The following ERC1 variants were observed in gnomAD, a reference collection of about 807,000 sequenced individuals.
ERC1 encodes RAB6 interacting protein 2.
Under a neutral mutation model 132.0 loss-of-function variants are expected in ERC1, and 56 were observed. The observed-to-expected ratio is 0.42, with a 90% CI of 0.34 to 0.53. The LOEUF (loss-of-function observed/expected upper bound fraction) is 0.53, where lower values mean the gene tolerates loss of function less well. Among genes scored for constraint, ERC1 ranks in the 20% least tolerant of loss-of-function variants. The pLI, the probability that ERC1 is intolerant of heterozygous loss-of-function variation, is 0.03. For missense variants in ERC1, 1,202 were observed against 1,349.9 expected, an observed-to-expected ratio of 0.89 and a Z score of 1.72; for synonymous variants, 478 against 476.1, an observed-to-expected ratio of 1.00 and a Z score of -0.05.
intron 14 of ERC1, among the ~76,000 whole-genome samples, chr12:1,277,719 T>C (rs2154334985): frequency 6.6e-6 from 1 of 152,292 alleles, no homozygotes; most frequent in South Asian, 2.1e-4. Context: ...GTAAAGCAGT[T>C]TACTGGTTTC....
At chr12:1,070,495 A>G (rs750538091) in intron 2 of ERC1, among the ~76,000 whole-genome samples, 2 of 151,946 alleles carry the variant, frequency 1.3e-5, no homozygotes, top group Non-Finnish European at 2.9e-5. Flanking sequence ...TGTGTTGCCC[A>G]GGCTGGTCTT....
At chr12:1,466,137 G>A (rs774218836) in intron 18 of ERC1, among the ~76,000 whole-genome samples, 7 of 152,174 alleles carry the variant, frequency 4.6e-5, no homozygotes, top group Non-Finnish European at 1.0e-4. Flanking sequence ...CTTAAGCAAC[G>A]TAAATTGATT....
rs149943974 is a variant in ERC1, at chr12:1,074,590, C to T, written c.670-8574C>T. Among the ~76,000 whole-genome samples, 5 of 152,246 alleles carry T rather than the reference C, an allele frequency of 3.3e-5. No individual in the cohort carries two copies. In the East Asian group the frequency reaches 7.7e-4, roughly 24 times the overall value. ...GGATTACAGGCATGAGCCACTGCAC[C>T]CGACCACATTTTCATTTATTCTTTA... On this transcript the variant is annotated intron_variant, in intron 2 of 18. Coordinates refer to ENST00000360905, the MANE Select transcript of ERC1 (RefSeq NM_178040.4).
chr12:1,151,717 A>G (rs1950853580), intron 8 of ERC1: 1 of 149,234 alleles, frequency 6.7e-6, no homozygotes, highest in East Asian at 1.9e-4. Flanking sequence ...CTGTTGACAA[A>G]TTTCAGTCCT....
intron 14 of ERC1, among the ~76,000 whole-genome samples, chr12:1,271,646 G>A (rs73595938): frequency 0.029 from 4,449 of 152,198 alleles, 226 homozygotes; most frequent in African/African-American, 0.1. Context: ...CTATGGCCTC[G>A]AACTCCTGGG....
chr12:1,442,651 T>A (rs1015642328), intron 17 of ERC1, among the ~76,000 whole-genome samples: 1 of 152,242 alleles, frequency 6.6e-6, no homozygotes, highest in Non-Finnish European at 1.5e-5. Context: ...CACTAAGCCC[T>A]TGCTCTTTAT....
chr12:1,343,849 A>AT (rs143481650), intron 15 of ERC1, among the ~76,000 whole-genome samples: 41,765 of 148,168 alleles, frequency 0.28, 6,047 homozygotes, highest in Middle Eastern at 0.35. Context: ...ATGTAAAAAC[A>AT]TTTTTTTTTT....
intron 13 of ERC1, among the ~76,000 whole-genome samples, chr12:1,249,723 C>T (rs1049448099): frequency 1.3e-5 from 2 of 152,192 alleles, no homozygotes; most frequent in African/African-American, 2.4e-5. Flanking sequence ...ATACTGTAAA[C>T]TGGCTAGCTT....
chr12:1,236,838 T>C lies in ERC1; in HGVS notation c.2421T>C (p.Ser807=), dbSNP rs373675289. 27 of 1,613,476 alleles carry C rather than the reference T, an allele frequency of 1.7e-5. No individual in the cohort carries two copies. The Admixed American group carries it at 2.0e-4, about 12-fold the overall frequency. Residue 807 remains serine (S), a synonymous_variant, in exon 13 of 19, where the codon AGT becomes AGC. Transcript: ENST00000360905. The part of the protein sequence containing the change: ...KHKEQVEKKK[S]AQMLEEARRR... ...AGGAACAGGTGGAAAAAAAGAAGAG[T>C]GCACAAATGTTAGAGGAGGCGCGAC...
intron 15 of ERC1, among the ~76,000 whole-genome samples, chr12:1,312,367 C>T (rs1000636922): frequency 6.6e-6 from 1 of 152,112 alleles, no homozygotes; most frequent in Non-Finnish European, 1.5e-5. Flanking sequence ...ATTTGTTTCT[C>T]AGAGAAGTAA....
chr12:1,362,328 C>G (rs936362498), intron 15 of ERC1, among the ~76,000 whole-genome samples: 1 of 152,108 alleles, frequency 6.6e-6, no homozygotes, highest in African/African-American at 2.4e-5. Context: ...GTTCTTCTGC[C>G]CTAGACCTTT....
intron 2 of ERC1, among the ~76,000 whole-genome samples, chr12:1,062,138 CA>C: frequency 6.6e-6 from 1 of 151,720 alleles, no homozygotes; most frequent in Non-Finnish European, 1.5e-5. Flanking sequence ...CACCCACCAG[CA>C]CGCCTGGCTA....
intron 3 of ERC1, among the ~76,000 whole-genome samples, chr12:1,092,347 ATTGAGTT>A (rs1943356765): frequency 6.6e-6 from 1 of 152,092 alleles, no homozygotes; most frequent in Non-Finnish European, 1.5e-5. Flanking sequence ...TAACAATGAA[ATTGAGTT>A]AAGTGTTAAC....
chr12:1,297,112 C>T (rs762422318), intron 15 of ERC1, among the ~76,000 whole-genome samples: 6 of 150,210 alleles, frequency 4.0e-5, no homozygotes, highest in South Asian at 2.1e-4. Flanking sequence ...AGAAAAAAGG[C>T]ACAGTGCATA....
intron 3 of ERC1, among the ~76,000 whole-genome samples, chr12:1,090,832 CATTATTATTATTATT>C (rs759622901): frequency 0.027 from 202 of 7,584 alleles, 1 homozygote; most frequent in East Asian, 0.17. Flanking sequence ...ATGCCTGGCC[CATTATTATTATTATT>C]GTTGTTGTTG....
At chr12:1,263,983 C>T (rs1326490133) in intron 14 of ERC1, among the ~76,000 whole-genome samples, 2 of 150,556 alleles carry the variant, frequency 1.3e-5, no homozygotes, top group African/African-American at 4.9e-5. Context: ...AGCCACTGTG[C>T]CCGGCCAAAA....
intron 2 of ERC1, among the ~76,000 whole-genome samples, chr12:1,065,940 T>G (rs912513483): frequency 1.3e-5 from 2 of 152,214 alleles, no homozygotes; most frequent in Non-Finnish European, 2.9e-5. Context: ...TATGGTTCCG[T>G]GTATATGTAA....
chr12:1,185,711 C>T (rs948740802), intron 11 of ERC1, among the ~76,000 whole-genome samples: 5 of 149,238 alleles, frequency 3.4e-5, no homozygotes, highest in South Asian at 2.1e-4. Context: ...TCTCCCTTCC[C>T]GAAATAGGAA....
intron 18 of ERC1, among the ~76,000 whole-genome samples, chr12:1,461,944 C>T (rs555748292): frequency 6.6e-6 from 1 of 152,092 alleles, no homozygotes; most frequent in Non-Finnish European, 1.5e-5. Flanking sequence ...CACAAAAACA[C>T]ATACACACAT....
Sources: gnomAD v4.1 joint callset for allele counts (sites outside exome capture counted in the v4.1 genomes callset) on GRCh38, gnomAD v4.1.1 for gene constraint, MANE v1.5 for transcripts, NCBI Gene and HGNC (gene_info 2026-07-23, HGNC 2026-07-21) for gene names.